The following LAMA5 variants were observed in gnomAD, a reference collection of about 807,000 sequenced individuals.
LAMA5 encodes laminin subunit alpha 5.
A neutral mutation model predicts 433.4 loss-of-function variants in LAMA5; 260 were observed. The ratio of observed to expected loss-of-function variants is 0.60; its 90% confidence interval spans 0.54 to 0.66. The LOEUF is 0.66. Ranked by LOEUF, LAMA5 falls within the 30% of genes least tolerant of loss-of-function variation. LAMA5 has a pLI of 0.00. For missense variants in LAMA5, 5,378 were observed against 5,258.5 expected (o/e 1.02, Z -0.70); for synonymous variants, 2,620 against 2,226.6 (o/e 1.18, Z -4.97).
Position 62,346,185 on chromosome 20 carries a change from C to T in LAMA5, c.1313G>A (p.Gly438Asp), listed in dbSNP as rs755387104. 9.3e-6 allele frequency: 15 copies of T among 1,612,608 alleles called. No homozygotes were observed. Among genetic ancestry groups the T allele is most frequent in the South Asian group, 7.7e-5 (7 of 91,010 alleles). The change falls in exon 10 of 80, where the codon GGC becomes GAC. Residue 438 changes from glycine to aspartate, a missense_variant. Transcript: ENST00000252999. ...RCNCESDFTD[G>D]TCEDLTGRCY... ...TCGACCCGTCAGGTCCTCGCAGGTGCCATCCGTGAAGTCGGACTCGCAGTT... is the reference window on the plus strand; with the variant it reads ...TCGACCCGTCAGGTCCTCGCAGGTGTCATCCGTGAAGTCGGACTCGCAGTT...
intron 6 of LAMA5, 117 bp downstream of exon 6, chr20:62,351,587 T>C: frequency 1.1e-6 from 1 of 894,720 alleles, no homozygotes; most frequent in African/African-American, 1.6e-5. Context: ...GACAGCAGGG[T>C]TGTGGTGGGC....
chr20:62,350,742 T>A (rs1310489085), intron 6 of LAMA5, among the ~76,000 whole-genome samples: 1 of 152,132 alleles, frequency 6.6e-6, no homozygotes, highest in African/African-American at 2.4e-5. Flanking sequence ...ACTGCCACCC[T>A]AGGGTGTTAC....
intron 31 of LAMA5, 64 bp downstream of exon 31, chr20:62,330,424 T>C: frequency 6.8e-7 from 1 of 1,465,922 alleles, no homozygotes; most frequent in Non-Finnish European, 9.0e-7. Context: ...GGCCACGCTG[T>C]GGCGCCGGCA....
At chr20:62,331,380 T>A (rs999764698) in intron 28 of LAMA5, among the ~76,000 whole-genome samples, 2 of 150,990 alleles carry the variant, frequency 1.3e-5, no homozygotes, top group African/African-American at 4.9e-5. Flanking sequence ...AACCCAGGCG[T>A]CCGACCGAGC....
chr20:62,319,115 G>A (rs1987374679), intron 51 of LAMA5, 102 bp from the exon 52 acceptor site: 2 of 1,305,556 alleles, frequency 1.5e-6, no homozygotes, highest in Non-Finnish European at 2.0e-6. Context: ...TCCTTGGCAG[G>A]CCAGGGGCCC....
intron 11 of LAMA5, among the ~76,000 whole-genome samples, chr20:62,340,245 G>C (rs1982367615): frequency 1.3e-5 from 2 of 151,836 alleles, no homozygotes; most frequent in African/African-American, 4.8e-5. Context: ...ACAGCTCAGA[G>C]GGACAGAAAT....
In LAMA5 at chr20:62,309,426, C is replaced by G; in HGVS notation, c.10998G>C (p.Arg3666Ser). ...CGGGGGACCGGTTCACCGCCAGCCTCCTCATGCAGCCGCAGTAGGCGGGGG... is the reference window on the plus strand; with the variant it reads ...CGGGGGACCGGTTCACCGCCAGCCTGCTCATGCAGCCGCAGTAGGCGGGGG... Reference protein sequence around the residue: ...PWPPAYCGCMRRLAVNRSPVA... With the variant: ...PWPPAYCGCMSRLAVNRSPVA... The change falls in exon 80 of 80, where the codon AGG (arginine) becomes AGC (serine). Residue 3666 changes from arginine to serine, a missense_variant. Transcript: ENST00000252999. The G allele has an allele frequency of 6.3e-7, 1 of 1,584,436 alleles. No individual in the cohort carries two copies. Among genetic ancestry groups the G allele is most frequent in the South Asian group, 1.1e-5 (1 of 87,918 alleles).
chr20:62,312,463 C>G lies in LAMA5; in HGVS notation c.9297G>C (p.Lys3099Asn), dbSNP rs201791481. The G allele has an allele frequency of 3.1e-6, 5 of 1,598,350 alleles. No individual in the cohort carries two copies. Among genetic ancestry groups the G allele is most frequent in the Non-Finnish European group, 4.2e-6 (5 of 1,179,620 alleles). Reference protein sequence around the residue: ...GCVKGIKALGKYVDLKRLNTT... With the variant: ...GCVKGIKALGNYVDLKRLNTT... ...TGTTCAGCCGCTTGAGGTCCACATA[C>G]TTGCCCAGGGCCTTGATGCCTTTGA... The change falls in exon 68 of 80, where the codon AAG becomes AAC. Residue 3099 changes from lysine (K) to asparagine (N), a missense_variant. Lys to Asn is a moderately conservative substitution (Grantham distance 94). Transcript: ENST00000252999.
At chr20:62,321,330 GA>G (rs1987711159) in intron 48 of LAMA5, among the ~76,000 whole-genome samples, 2 of 90,674 alleles carry the variant, frequency 2.2e-5, no homozygotes, top group East Asian at 3.3e-4. Flanking sequence ...GCCAGTGGAG[GA>G]GGTGCAGCCA....
At chr20:62,333,826 GGGGCTTGGGA>G in intron 23 of LAMA5, 65 bp downstream of exon 23, 1 of 1,459,668 alleles carries the variant, frequency 6.9e-7, no homozygotes, top group Non-Finnish European at 9.2e-7. Context: ...GGAAGGTGGC[GGGGCTTGGGA>G]GTGGGGTGGG....
At position 62,322,433 on chromosome 20, in the gene LAMA5, A is replaced by T; in HGVS notation, c.6182T>A (p.Phe2061Tyr). ...CGGGCGGCAGCCCCCGCAGCCATCG[A>T]AACCAAAATGTCCCTCCTGTGGCAC... Reference protein sequence around the residue: ...CDRCQEGHFGFDGCGGCRPCA... With the variant: ...CDRCQEGHFGYDGCGGCRPCA... Residue 2061 changes from phenylalanine (F) to tyrosine (Y), a missense_variant, in exon 47 of 80, where the codon TTC (phenylalanine) becomes TAC (tyrosine). Physicochemically the swap from Phe to Tyr is conservative, Grantham distance 22. Transcript: ENST00000252999. 6.3e-7 allele frequency: 1 copy of T among 1,586,788 alleles called. No homozygotes were observed. Among genetic ancestry groups the T allele is most frequent in the Non-Finnish European group, 8.6e-7 (1 of 1,167,064 alleles).
Position 62,310,882 on chromosome 20 carries a change from T to A in LAMA5, c.10281+20A>T, listed in dbSNP as rs1353223455. ...GGCTGCCAGGCCCTGCCCACCACCT[T>A]CCTTCTTCTCGGCCCTCACCTTGTG... is the stretch of plus-strand genomic sequence containing the variant. On this transcript the variant is annotated intron_variant, in intron 74 of 79. Transcript: ENST00000252999. 2.5e-6 allele frequency: 4 copies of A among 1,607,864 alleles called. No individual in the cohort carries two copies. The highest frequency in any genetic ancestry group is 3.4e-6 in the Non-Finnish European group (4 of 1,178,124).
At chr20:62,365,951 T>G (rs1039194772) in intron 1 of LAMA5, among the ~76,000 whole-genome samples, 1 of 152,132 alleles carries the variant, frequency 6.6e-6, no homozygotes, top group Non-Finnish European at 1.5e-5. Flanking sequence ...TTCATCCCCA[T>G]AACGTCTTGC....
chr20:62,366,828 G>A, intron 1 of LAMA5, 121 bp downstream of exon 1: 6 of 1,212,410 alleles, frequency 4.9e-6, no homozygotes, highest in Non-Finnish European at 6.2e-6. Context: ...CCCCCAAAAT[G>A]CGGAACCAGA....
At chr20:62,348,076 A>G (rs1889200) in intron 6 of LAMA5, among the ~76,000 whole-genome samples, 133,927 of 152,244 alleles carry the variant, frequency 0.88, 60,335 homozygotes, top group Non-Finnish European at 0.98. Context: ...AAATCCACAT[A>G]GTCAAGAAAT....
rs766135953 is a variant in LAMA5, at chr20:62,328,354, C to T, written c.4539G>A (p.Gln1513=). ...RTIPPDCLLC[Q]PQTFGCHPLV... ...GGGGGTGGCAGCCAAAGGTCTGGGG[C>T]TGGCACAGCAGGCAGTCGGGCGGGA... The change falls in exon 35 of 80, where the codon CAG becomes CAA. Residue 1513 remains glutamine, a synonymous_variant. Coordinates refer to ENST00000252999, the MANE Select transcript of LAMA5 (RefSeq NM_005560.6). 4 of 1,595,092 alleles carry T rather than the reference C, an allele frequency of 2.5e-6. No individual in the cohort carries two copies. The highest frequency in any genetic ancestry group is 3.4e-6 in the Non-Finnish European group (4 of 1,171,286).
Position 62,324,684 on chromosome 20 carries a change from C to A in LAMA5, c.5530-130G>T. 1 of 662,274 alleles carries A rather than the reference C, an allele frequency of 1.5e-6. No individual in the cohort carries two copies. Among genetic ancestry groups the A allele is most frequent in the Admixed American group, 2.3e-5 (1 of 43,690 alleles). 41.0% of individuals were successfully genotyped at this position (662,274 alleles called of 1,614,324 possible). A position where few individuals can be genotyped will look rare whatever the true frequency, so the allele number is the denominator to read the frequency against. On this transcript the variant is annotated intron_variant, in intron 41 of 79. Coordinates refer to ENST00000252999, the MANE Select transcript of LAMA5 (RefSeq NM_005560.6). The surrounding 1 kb of genome is among the most constrained non-coding windows in gnomAD (Gnocchi z 4.4). ...CTGGGAACCCGTGGAGCATGGTCAC[C>A]GCTGGGTCAGAGGCTGGTCAGGAAC...
At chr20:62,339,439 T>C (rs919779167) in intron 11 of LAMA5, among the ~76,000 whole-genome samples, 12 of 151,942 alleles carry the variant, frequency 7.9e-5, no homozygotes, top group Non-Finnish European at 1.5e-5. Flanking sequence ...GGTTTCACTA[T>C]GTTAGCCAGG....
At chr20:62,361,307 A>G (rs1986105462) in intron 2 of LAMA5, among the ~76,000 whole-genome samples, 1 of 151,356 alleles carries the variant, frequency 6.6e-6, no homozygotes, top group Non-Finnish European at 1.5e-5. Context: ...AGGACAGGCA[A>G]CCCCTCCCCA....
Sources: gnomAD v4.1 joint callset for allele counts (sites outside exome capture counted in the v4.1 genomes callset) on GRCh38, gnomAD v4.1.1 for gene constraint, Gnocchi (gnomAD v3.1) non-coding constraint, MANE v1.5 for transcripts, NCBI Gene and HGNC (gene_info 2026-07-23, HGNC 2026-07-21) for gene names.